The following CELA2B variants were observed in gnomAD, a reference collection of about 807,000 sequenced individuals.
The protein encoded by CELA2B is chymotrypsin like elastase 2B.
In CELA2B, 27 loss-of-function variants were observed where a neutral mutation model predicts 36.5. That is an observed-to-expected ratio of 0.74 (90% CI 0.55 to 1.02). CELA2B has a LOEUF of 1.02. CELA2B is among the 50% of genes least tolerant of loss of function. The pLI is 0.00. For synonymous variants in CELA2B, 143 were observed against 148.5 expected (o/e 0.96, Z 0.27); for missense variants, 340 against 347.8 (o/e 0.98, Z 0.18).
chr1:15,478,906 T>C (rs1210864016), intron 2 of CELA2B, among the ~76,000 whole-genome samples: 1 of 152,112 alleles, frequency 6.6e-6, no homozygotes, highest in African/African-American at 2.4e-5. Flanking sequence ...CTGAGAGCCC[T>C]GCACCGTGGC....
At chr1:15,490,018 C>G (rs1263402374) in intron 7 of CELA2B, among the ~76,000 whole-genome samples, 2 of 152,246 alleles carry the variant, frequency 1.3e-5, no homozygotes, top group South Asian at 2.1e-4. Flanking sequence ...GGATTACAGG[C>G]ATGCACCACC....
In CELA2B at chr1:15,485,979, G is replaced by A. The variant is rs1299357619; in HGVS notation, c.572G>A (p.Trp191Ter). 4 of 1,614,212 alleles carry A rather than the reference G, an allele frequency of 2.5e-6. No homozygotes were observed. The highest frequency in any genetic ancestry group is 3.4e-6 in the Non-Finnish European group (4 of 1,180,044). ...TATGCCACCTGCTCCAGCTCTGGCT[G>A]GTGGGGCAGCACCGTGAAGACGAAT... ...VDYATCSSSGWWGSTVKTNMI... is the reference protein window; with the variant it reads ...VDYATCSSSG The change falls in exon 6 of 8, where the codon TGG (tryptophan) becomes TAG (stop). Residue 191 changes from tryptophan to a stop codon, truncating the protein, a stop_gained. Transcript: ENST00000375910. LOFTEE classifies it high-confidence loss of function.
intron 2 of CELA2B, among the ~76,000 whole-genome samples, chr1:15,479,691 G>A (rs757905082): frequency 6.6e-6 from 1 of 152,246 alleles, no homozygotes; most frequent in Non-Finnish European, 1.5e-5. Flanking sequence ...ATGTACATGA[G>A]CGTGCACGCA....
intron 7 of CELA2B, 36 bp downstream of exon 7, chr1:15,487,473 G>A (rs779851812): frequency 2.9e-5 from 46 of 1,611,002 alleles, no homozygotes; most frequent in Non-Finnish European, 3.4e-5. Flanking sequence ...CCAAGGCACT[G>A]ACCTGCTCAC....
At chr1:15,485,750 T>A in intron 5 of CELA2B, 151 bp from the exon 6 acceptor site, 1 of 998,418 alleles carries the variant, frequency 1.0e-6, no homozygotes, top group Non-Finnish European at 1.5e-6. Flanking sequence ...CACTAACCAA[T>A]CAAATGTGAG....
At chr1:15,488,228 A>AT (rs546435622) in intron 7 of CELA2B, among the ~76,000 whole-genome samples, 7,637 of 149,234 alleles carry the variant, frequency 0.051, 315 homozygotes, top group African/African-American at 0.11. Flanking sequence ...CTTTACAAAG[A>AT]TTTTTTTTTT....
intron 6 of CELA2B, 52 bp downstream of exon 6, chr1:15,486,098 TG>T: frequency 6.3e-7 from 1 of 1,596,098 alleles, no homozygotes; most frequent in Non-Finnish European, 8.6e-7. Flanking sequence ...TGGCTGGGGA[TG>T]GGAAGAGGCT....
chr1:15,482,265 C>T lies in CELA2B; in HGVS notation c.228C>T (p.Ser76=). The T allele has an allele frequency of 6.2e-7, 1 of 1,613,840 alleles. No individual in the cohort carries two copies. The highest frequency in any genetic ancestry group is 1.7e-4 in the Middle Eastern group (1 of 6,056). ...TCTCCCTGGGACCCCTTTCTCCCAG[C>T]TCCTCCGGGATCTACCGCGTGATGC... is the stretch of plus-strand genomic sequence containing the variant. ...SWVLTAAHCI[S]SSGIYRVMLG... Residue 76 remains serine (S), a splice_region_variant and synonymous_variant, in exon 4 of 8, where the codon AGC becomes AGT. Transcript: ENST00000375910.
intron 5 of CELA2B, 132 bp downstream of exon 5, chr1:15,483,532 T>A: frequency 7.0e-7 from 1 of 1,420,494 alleles, no homozygotes; most frequent in Non-Finnish European, 9.6e-7. Flanking sequence ...TGGCATAGGC[T>A]GATGTCTGCC....
rs1570815271 is a variant in CELA2B, at chr1:15,490,890, A to G, written c.793-405A>G. ...CAAAAAAAAAAAAAAAAAGTTTAAC[A>G]GATACTGATCAACAGCCTCTGGAAA... On this transcript the variant is annotated intron_variant, in intron 7 of 7. Coordinates refer to ENST00000375910, the MANE Select transcript of CELA2B (RefSeq NM_015849.3). The G allele has an allele frequency of 2.4e-5, 5 of 206,996 alleles. No homozygotes were observed. In the South Asian group the frequency reaches 4.5e-4, roughly 19 times the overall value. 12.8% of individuals were successfully genotyped at this position (206,996 alleles called of 1,614,324 possible). A position where few individuals can be genotyped will look rare whatever the true frequency, so the allele number is the denominator to read the frequency against.
chr1:15,483,238 C>T (rs1324261273), intron 4 of CELA2B, 26 bp from the exon 5 acceptor site: 3 of 1,613,080 alleles, frequency 1.9e-6, no homozygotes, highest in Non-Finnish European at 2.5e-6. Context: ...ACCCTGTTCT[C>T]ATGCTCCGCC....
intron 2 of CELA2B, among the ~76,000 whole-genome samples, chr1:15,477,392 T>C (rs1708686096): frequency 6.6e-6 from 1 of 152,234 alleles, no homozygotes; most frequent in African/African-American, 2.4e-5. Flanking sequence ...AAAGTTTACA[T>C]TGACGCAAAC....
intron 7 of CELA2B, 145 bp downstream of exon 7, chr1:15,487,582 C>T (rs1196759830): frequency 1.2e-5 from 14 of 1,127,368 alleles, no homozygotes; most frequent in East Asian, 7.4e-5. Flanking sequence ...CAGACCTTGG[C>T]AACTGCTGAG....
intron 2 of CELA2B, among the ~76,000 whole-genome samples, 164 bp downstream of exon 2, chr1:15,476,709 A>G (rs1363109395): frequency 1.3e-5 from 2 of 152,192 alleles, no homozygotes; most frequent in East Asian, 3.8e-4. Flanking sequence ...CCAGCTGGGC[A>G]CAGTGGCTCA....
intron 2 of CELA2B, 133 bp from the exon 3 acceptor site, chr1:15,480,965 C>A: frequency 2.4e-6 from 2 of 826,810 alleles, no homozygotes; most frequent in Non-Finnish European, 3.9e-6. Flanking sequence ...GTTTTGGGTG[C>A]CCCCTTAAGT....
intron 6 of CELA2B, among the ~76,000 whole-genome samples, chr1:15,487,017 C>G (rs1047853376): frequency 6.6e-6 from 1 of 152,164 alleles, no homozygotes. Context: ...TCTCCTCTTC[C>G]GTGGCCTGGG....
intron 5 of CELA2B, 139 bp from the exon 6 acceptor site, chr1:15,485,762 A>T: frequency 9.3e-7 from 1 of 1,077,320 alleles, no homozygotes. Flanking sequence ...AAATGTGAGG[A>T]CACAGTATAG....
At chr1:15,490,012 T>C (rs1464029808) in intron 7 of CELA2B, among the ~76,000 whole-genome samples, 2 of 152,184 alleles carry the variant, frequency 1.3e-5, no homozygotes, top group African/African-American at 4.8e-5. Context: ...TAGCTGGGAT[T>C]ACAGGCATGC....
At chr1:15,484,391 T>C (rs1220188820) in intron 5 of CELA2B, among the ~76,000 whole-genome samples, 1 of 152,168 alleles carries the variant, frequency 6.6e-6, no homozygotes, top group Non-Finnish European at 1.5e-5. Context: ...ATAATGACCT[T>C]ATGACCGTAA....
Sources: gnomAD v4.1 joint callset for allele counts (sites outside exome capture counted in the v4.1 genomes callset) on GRCh38, gnomAD v4.1.1 for gene constraint, MANE v1.5 for transcripts, NCBI Gene and HGNC (gene_info 2026-07-23, HGNC 2026-07-21) for gene names.